DOK5: variants seen among roughly 807,000 people sequenced by gnomAD.
The protein encoded by DOK5 is downstream of tyrosine kinase 5.
Under a neutral mutation model 43.3 loss-of-function variants are expected in DOK5, and 27 were observed. That is an observed-to-expected ratio of 0.62 (90% CI 0.46 to 0.86). The LOEUF is 0.86. Among genes scored for constraint, DOK5 ranks in the 40% least tolerant of loss-of-function variants. The pLI is 0.00. For missense variants in DOK5, 373 were observed against 392.9 expected (o/e 0.95, Z 0.43); for synonymous variants, 146 against 140.1 (o/e 1.04, Z -0.30).
At chr20:54,494,278 G>C (rs758246344) in intron 1 of DOK5, among the ~76,000 whole-genome samples, 1 of 152,216 alleles carries the variant, frequency 6.6e-6, no homozygotes, top group African/African-American at 2.4e-5. Flanking sequence ...CACTTTTACC[G>C]ATTTCCTTCA....
Position 54,587,780 on chromosome 20 carries a change from C to T in DOK5, c.175-703C>T, listed in dbSNP as rs75549806. On this transcript the variant is annotated intron_variant, in intron 2 of 7. Transcript: ENST00000262593. ...CGTCTAGTGGGGATGGCTTTCCTCC[C>T]TGCTAGGAAGAAGGCGCCACTGGGT... Among the ~76,000 whole-genome samples, 504 of 152,240 alleles carry T rather than the reference C, an allele frequency of 3.3e-3. 1 individual carries two copies. The highest frequency in any genetic ancestry group is 0.012 in the African/African-American group (478 of 41,536).
At chr20:54,610,620 G>A (rs903101566) in intron 6 of DOK5, 97 bp downstream of exon 6, 34 of 1,237,212 alleles carry the variant, frequency 2.7e-5, no homozygotes, top group Admixed American at 3.6e-5. Flanking sequence ...CATTATTTGA[G>A]CAGATGACTG....
At position 54,650,408 on chromosome 20, in the gene DOK5, G is replaced by A. The variant is rs761267752; in HGVS notation, c.857-7G>A. 1.2e-6 allele frequency: 2 copies of A among 1,613,362 alleles called. No individual in the cohort carries two copies. Among genetic ancestry groups the A allele is most frequent in the South Asian group, 2.2e-5 (2 of 90,938 alleles). On this transcript the variant is annotated splice_polypyrimidine_tract_variant and splice_region_variant and intron_variant, in intron 7 of 7. Transcript: ENST00000262593. ...TAACTGTTGATTTTAAATTCTTTTT[G>A]GAAAAGATGTTTCCAGCCCTCTGAA...
intron 6 of DOK5, among the ~76,000 whole-genome samples, chr20:54,624,753 C>T (rs1021492670): frequency 3.9e-5 from 6 of 152,136 alleles, no homozygotes; most frequent in Admixed American, 2.0e-4. Flanking sequence ...CAGATGGCTC[C>T]GAATAAATTG....
At chr20:54,598,541 T>C (rs1986212211) in intron 5 of DOK5, among the ~76,000 whole-genome samples, 1 of 152,176 alleles carries the variant, frequency 6.6e-6, no homozygotes, top group African/African-American at 2.4e-5. Flanking sequence ...TGCTGCTGAG[T>C]TAGCATGCTT....
intron 1 of DOK5, among the ~76,000 whole-genome samples, chr20:54,505,627 G>T (rs913131100): frequency 6.6e-6 from 1 of 151,970 alleles, no homozygotes; most frequent in Admixed American, 6.6e-5. Flanking sequence ...GGTATGGAGG[G>T]GGAAATGCAG....
intron 6 of DOK5, among the ~76,000 whole-genome samples, chr20:54,637,995 A>C (rs183917633): frequency 6.6e-6 from 1 of 151,976 alleles, no homozygotes; most frequent in Non-Finnish European, 1.5e-5. Context: ...GGTGGCGGGC[A>C]CCTGTAGTCC....
intron 1 of DOK5, among the ~76,000 whole-genome samples, chr20:54,531,034 G>A (rs1477151189): frequency 6.6e-6 from 1 of 152,150 alleles, no homozygotes. Context: ...CAATATTTCT[G>A]TCTGGACCAA....
At chr20:54,565,588 C>T (rs555965111) in intron 2 of DOK5, among the ~76,000 whole-genome samples, 1 of 152,280 alleles carries the variant, frequency 6.6e-6, no homozygotes, top group Non-Finnish European at 1.5e-5. Flanking sequence ...AGCATAGTCT[C>T]AACATAGTCT....
chr20:54,502,510 C>G (rs549706346), intron 1 of DOK5, among the ~76,000 whole-genome samples: 1 of 152,136 alleles, frequency 6.6e-6, no homozygotes, highest in Non-Finnish European at 1.5e-5. Context: ...AGGAAAGATT[C>G]TCTCACCCGT....
chr20:54,619,050 T>C (rs989511847), intron 6 of DOK5, among the ~76,000 whole-genome samples: 24 of 119,456 alleles, frequency 2.0e-4, no homozygotes, highest in Non-Finnish European at 3.5e-4. Flanking sequence ...TATATATATA[T>C]ATATATATAT....
At chr20:54,509,998 A>G (rs929396569) in intron 1 of DOK5, among the ~76,000 whole-genome samples, 1 of 152,166 alleles carries the variant, frequency 6.6e-6, no homozygotes, top group Non-Finnish European at 1.5e-5. Context: ...AATAGCTCAT[A>G]CATGCTGGGC....
At chr20:54,520,937 C>T (rs993404247) in intron 1 of DOK5, among the ~76,000 whole-genome samples, 3 of 152,138 alleles carry the variant, frequency 2.0e-5, no homozygotes, top group Admixed American at 1.3e-4. Context: ...TCCCTTTACT[C>T]TGTAAGCTGA....
chr20:54,591,888 G>A (rs1027082081), intron 5 of DOK5, 83 bp downstream of exon 5: 16 of 1,279,988 alleles, frequency 1.3e-5, no homozygotes, highest in East Asian at 7.3e-5. Flanking sequence ...CATATGAGGC[G>A]GTAGGTTTAC....
intron 1 of DOK5, among the ~76,000 whole-genome samples, chr20:54,509,149 T>G (rs1393791918): frequency 1.3e-5 from 2 of 152,234 alleles, no homozygotes; most frequent in Admixed American, 6.5e-5. Flanking sequence ...GTGCTGGGAT[T>G]ACAGGTGTGA....
At chr20:54,517,538 A>G (rs996191762) in intron 1 of DOK5, among the ~76,000 whole-genome samples, 5 of 152,144 alleles carry the variant, frequency 3.3e-5, no homozygotes, top group African/African-American at 1.2e-4. Flanking sequence ...TAGTTTCCTT[A>G]TTAGTAAAAT....
intron 2 of DOK5, among the ~76,000 whole-genome samples, chr20:54,581,740 C>T (rs948113678): frequency 2.6e-5 from 4 of 151,648 alleles, no homozygotes; most frequent in Admixed American, 1.3e-4. Flanking sequence ...GATTTTGTAT[C>T]GTGCCATTTT....
At chr20:54,540,843 T>G (rs1225327924) in intron 1 of DOK5, among the ~76,000 whole-genome samples, 1 of 152,040 alleles carries the variant, frequency 6.6e-6, no homozygotes, top group African/African-American at 2.4e-5. Flanking sequence ...TTACATGCAC[T>G]GACATATTCA....
intron 1 of DOK5, among the ~76,000 whole-genome samples, chr20:54,524,246 G>C (rs1983508264): frequency 6.6e-6 from 1 of 152,164 alleles, no homozygotes; most frequent in African/African-American, 2.4e-5. Context: ...GATGAAGTGA[G>C]GGGCAGCTTA....
Sources: allele counts gnomAD v4.1 joint callset (sites outside exome capture counted in the v4.1 genomes callset), GRCh38; gene constraint gnomAD v4.1.1; transcripts MANE v1.5; gene names NCBI Gene and HGNC (gene_info 2026-07-23, HGNC 2026-07-21).